The following ARFIP1 variants were observed in gnomAD, a reference collection of about 807,000 sequenced individuals.
The protein encoded by ARFIP1 is arfaptin-1.
Under a neutral mutation model 42.5 loss-of-function variants are expected in ARFIP1, and 24 were observed. The observed-to-expected ratio is 0.57, with a 90% CI of 0.41 to 0.80. The LOEUF (loss-of-function observed/expected upper bound fraction) is 0.80, where lower values mean the gene tolerates loss of function less well. Ranked by LOEUF, ARFIP1 falls within the 30% of genes least tolerant of loss-of-function variation. ARFIP1 has a pLI of 0.00. For missense variants in ARFIP1, 354 were observed against 434.0 expected (o/e 0.82, Z 1.64); for synonymous variants, 141 against 153.7 (o/e 0.92, Z 0.61).
intron 1 of ARFIP1, among the ~76,000 whole-genome samples, chr4:152,819,265 CTG>C (rs1180098127): frequency 6.6e-6 from 1 of 152,214 alleles, no homozygotes; most frequent in Non-Finnish European, 1.5e-5. Flanking sequence ...AAAGAGAAAA[CTG>C]TGGCATGACC....
At chr4:152,849,140 C>T (rs1732788485) in intron 2 of ARFIP1, among the ~76,000 whole-genome samples, 2 of 152,092 alleles carry the variant, frequency 1.3e-5, no homozygotes, top group African/African-American at 4.8e-5. Flanking sequence ...TTTTAATATA[C>T]ACATACATTA....
intron 1 of ARFIP1, among the ~76,000 whole-genome samples, chr4:152,804,444 TATATATA>T: frequency 1.3e-5 from 1 of 75,546 alleles, no homozygotes; most frequent in Non-Finnish European, 2.5e-5. Context: ...TAACATGTAT[TATATATA>T]TTATATATAA....
At chr4:152,841,679 T>G (rs112914322) in intron 2 of ARFIP1, among the ~76,000 whole-genome samples, 2,408 of 152,270 alleles carry the variant, frequency 0.016, 59 homozygotes, top group African/African-American at 0.055. Context: ...AATTATTGGC[T>G]GATAATTGTT....
intron 6 of ARFIP1, among the ~76,000 whole-genome samples, chr4:152,881,928 T>G (rs973374696): frequency 4.6e-5 from 7 of 152,210 alleles, no homozygotes; most frequent in Admixed American, 4.6e-4. Flanking sequence ...CAACTGAAAT[T>G]GAAAAGTGTT....
At chr4:152,895,316 G>A (rs892314724) in intron 8 of ARFIP1, among the ~76,000 whole-genome samples, 3 of 152,144 alleles carry the variant, frequency 2.0e-5, no homozygotes, top group African/African-American at 7.2e-5. Flanking sequence ...AACACAGACT[G>A]ATGCATAATT....
chr4:152,790,426 T>C (rs545008885), intron 1 of ARFIP1, among the ~76,000 whole-genome samples: 1 of 152,310 alleles, frequency 6.6e-6, no homozygotes, highest in South Asian at 2.1e-4. Context: ...GGCCACAGCA[T>C]ACTGAATAAT....
At position 152,818,886 on chromosome 4, in the gene ARFIP1, C is replaced by G. The variant is rs118096838; in HGVS notation, c.-9-10739C>G. Among the ~76,000 whole-genome samples the G allele has an allele frequency of 1.5e-3, 224 of 152,272 alleles. 6 individuals are homozygous for G. The East Asian group carries it at 0.041, about 28-fold the overall frequency. ...TTCCCACGCAGATTCTTTTGTACAACAAAAGCATGTGCGCTTCTCCCTGGA... is the reference window on the plus strand; with the variant it reads ...TTCCCACGCAGATTCTTTTGTACAAGAAAAGCATGTGCGCTTCTCCCTGGA... On this transcript the variant is annotated intron_variant, in intron 1 of 8. Transcript: ENST00000353617.
intron 1 of ARFIP1, among the ~76,000 whole-genome samples, chr4:152,828,041 A>G (rs879620662): frequency 6.6e-6 from 1 of 152,168 alleles, no homozygotes; most frequent in Admixed American, 6.5e-5. Flanking sequence ...TAGCTTATTT[A>G]CGTTTAGTGC....
chr4:152,805,843 A>G (rs1578836982), intron 1 of ARFIP1, among the ~76,000 whole-genome samples: 1 of 152,374 alleles, frequency 6.6e-6, no homozygotes, highest in East Asian at 1.9e-4. Flanking sequence ...TGGAGGAGCC[A>G]TGAATTGAAC....
At chr4:152,803,990 A>G (rs902562000) in intron 1 of ARFIP1, among the ~76,000 whole-genome samples, 1 of 137,366 alleles carries the variant, frequency 7.3e-6, no homozygotes, top group Admixed American at 8.4e-5. Flanking sequence ...TATATTTTAT[A>G]TATATAATAT....
At chr4:152,861,508 C>T (rs1437514857) in intron 2 of ARFIP1, among the ~76,000 whole-genome samples, 2 of 152,160 alleles carry the variant, frequency 1.3e-5, no homozygotes, top group African/African-American at 4.8e-5. Context: ...AGAAAAACAT[C>T]AAGTACATTT....
At chr4:152,900,190 C>T (rs748501651) in intron 8 of ARFIP1, among the ~76,000 whole-genome samples, 3 of 151,452 alleles carry the variant, frequency 2.0e-5, no homozygotes, top group African/African-American at 2.4e-5. Flanking sequence ...GATCAAAGGG[C>T]GGGAACTAAC....
intron 8 of ARFIP1, among the ~76,000 whole-genome samples, chr4:152,895,093 A>G (rs1276615746): frequency 1.3e-5 from 2 of 152,196 alleles, no homozygotes; most frequent in Non-Finnish European, 2.9e-5. Context: ...ATATTAGGGA[A>G]AAGTTTAATA....
chr4:152,907,347 C>T (rs530218868), intron 8 of ARFIP1, among the ~76,000 whole-genome samples: 28 of 82,874 alleles, frequency 3.4e-4, no homozygotes, highest in African/African-American at 1.6e-3. Context: ...ATCTTTTTCT[C>T]TTTTTTAATA....
At chr4:152,877,256 G>T (rs1301450032) in intron 5 of ARFIP1, among the ~76,000 whole-genome samples, 1 of 152,176 alleles carries the variant, frequency 6.6e-6, no homozygotes, top group African/African-American at 2.4e-5. Flanking sequence ...ACCCTGAAAA[G>T]GCACAGGGGT....
rs771661005 is a variant in ARFIP1, at chr4:152,847,124, CTTTTTTTTTT to C, written c.94-16467_94-16458del. Among the ~76,000 whole-genome samples the C allele has an allele frequency of 1.8e-3, 75 of 40,560 alleles. 1 individual carries two copies. The highest frequency in any genetic ancestry group is 6.0e-3 in the African/African-American group (63 of 10,428). 26.6% of individuals were successfully genotyped at this position (40,560 alleles called of 152,430 possible). ...GTATGTTAATGTTTTTAGGTTTGTT[CTTTTTTTTTT>C]TTTTTTTTTTTTTTGAGACAGAGTC... On this transcript the variant is annotated intron_variant, in intron 2 of 8. Transcript: ENST00000353617.
intron 1 of ARFIP1, among the ~76,000 whole-genome samples, chr4:152,784,580 A>G (rs527520588): frequency 1.1e-4 from 17 of 152,352 alleles, no homozygotes; most frequent in Middle Eastern, 3.4e-3. Flanking sequence ...AGAGTAGGCA[A>G]TCTGCTTTGA....
At chr4:152,796,856 AG>A (rs922545353) in intron 1 of ARFIP1, 1 of 518,742 alleles carries the variant, frequency 1.9e-6, no homozygotes, top group Non-Finnish European at 3.5e-6. Flanking sequence ...CAGAGCACCC[AG>A]AAGCAGCCCT....
chr4:152,792,789 A>C (rs978384904), intron 1 of ARFIP1, among the ~76,000 whole-genome samples: 4 of 152,150 alleles, frequency 2.6e-5, no homozygotes, highest in Admixed American at 6.5e-5. Flanking sequence ...CTCTGTATAG[A>C]TTTGGTCTAT....
Sources: gnomAD v4.1 joint callset for allele counts (sites outside exome capture counted in the v4.1 genomes callset) on GRCh38, gnomAD v4.1.1 for gene constraint, MANE v1.5 for transcripts, NCBI Gene and HGNC (gene_info 2026-07-23, HGNC 2026-07-21) for gene names.